The following TSC1 variants were observed in gnomAD, a reference collection of about 807,000 sequenced individuals.
The protein encoded by TSC1 is TSC complex subunit 1, also known as hamartin.
In TSC1, 20 loss-of-function variants were observed where a neutral mutation model predicts 124.3. That is an observed-to-expected ratio of 0.16 (90% CI 0.11 to 0.23). The LOEUF is 0.23. TSC1 is among the 10% of genes least tolerant of loss of function. The probability of loss-of-function intolerance (pLI) is 1.00; values close to 1 mark genes in which losing one functional copy is unlikely to be tolerated. For missense variants in TSC1, 1,124 were observed against 1,448.5 expected (o/e 0.78, Z 3.64); for synonymous variants, 493 against 539.1 (o/e 0.91, Z 1.19).
intron 2 of TSC1, 52 bp downstream of exon 2, chr9:132,934,981 C>CAAGATAATT (rs1847381672): frequency 2.5e-6 from 1 of 398,946 alleles, no homozygotes; most frequent in South Asian, 1.3e-4. Context: ...CGACCATGGG[C>CAAGATAATT]AAGATAATTC....
rs2131591349 is a variant in TSC1, at chr9:132,896,355, C to A, written c.3375G>T (p.Leu1125Phe). Residue 1125 changes from leucine (L) to phenylalanine (F), a missense_variant, in exon 23 of 23, where the codon TTG becomes TTT. Physicochemically the swap from Leu to Phe is conservative, Grantham distance 22 (BLOSUM62 0). Coordinates refer to ENST00000298552, the MANE Select transcript of TSC1 (RefSeq NM_000368.5). The surrounding 1 kb of genome is among the most constrained non-coding windows in gnomAD (Gnocchi z 4.5). ...ESLKTELGKD[L>F]GVEAKIPLNL... ...TCAGGGGAATCTTGGCTTCCACACC[C>A]AAGTCTTTGCCCAGTTCTGTCTTTA... The A allele has an allele frequency of 6.2e-7, 1 of 1,614,174 alleles. No individual in the cohort carries two copies.
Position 132,910,326 on chromosome 9 carries a change from A to T in TSC1, c.1263+245T>A, listed in dbSNP as rs1450567660. ...CAAAAAAAAAAAAAAAAAAAAAATC[A>T]AGAGAGTAGGTTTGACCTGCTGGGT... On this transcript the variant is annotated intron_variant, in intron 12 of 22. Coordinates refer to ENST00000298552, the MANE Select transcript of TSC1 (RefSeq NM_000368.5). 1.1e-5 allele frequency: 7 copies of T among 630,840 alleles called. No homozygotes were observed. In the African/African-American group the frequency reaches 1.1e-4, roughly 10 times the overall value. The allele number at this position is 630,840 out of a possible 1,614,324, so 39.1% of individuals were successfully genotyped here.
chr9:132,913,308 A>G (rs1846065663), intron 8 of TSC1, among the ~76,000 whole-genome samples: 1 of 152,184 alleles, frequency 6.6e-6, no homozygotes, highest in Admixed American at 6.5e-5. Flanking sequence ...CAATCTTGCT[A>G]AGTTTTGACA....
intron 8 of TSC1, among the ~76,000 whole-genome samples, chr9:132,913,818 T>C (rs1020080797): frequency 8.0e-5 from 7 of 87,370 alleles, no homozygotes; most frequent in African/African-American, 2.3e-4. Context: ...AGAGCGAGAC[T>C]CCGTCTCAAA....
chr9:132,938,847 CTG>C (rs1217499087), intron 1 of TSC1, among the ~76,000 whole-genome samples: 1 of 152,114 alleles, frequency 6.6e-6, no homozygotes, highest in Non-Finnish European at 1.5e-5. Context: ...AAAACAAGTG[CTG>C]TGATATGTGG....
intron 12 of TSC1, among the ~76,000 whole-genome samples, chr9:132,908,881 A>C (rs1845800286): frequency 1.4e-5 from 2 of 138,000 alleles, no homozygotes. Context: ...CTGTGTTAAA[A>C]CCCACTAGTC....
chr9:132,939,135 T>A (rs1847610501), intron 1 of TSC1: 1 of 152,198 alleles, frequency 6.6e-6, no homozygotes, highest in South Asian at 2.1e-4. Context: ...GTTACACTGT[T>A]AAGTTAATGT....
At chr9:132,900,911 AT>A in intron 19 of TSC1, 74 bp from the exon 20 acceptor site, 1 of 1,604,376 alleles carries the variant, frequency 6.2e-7, no homozygotes, top group African/African-American at 1.3e-5. Context: ...TAAACAGGGA[AT>A]CAGCTAGGAG....
chr9:132,908,429 G>A (rs1335815794), intron 12 of TSC1, among the ~76,000 whole-genome samples: 1 of 152,144 alleles, frequency 6.6e-6, no homozygotes, highest in Non-Finnish European at 1.5e-5. Context: ...CCACAGATAT[G>A]TAATTGCAAA....
chr9:132,919,020 T>TA lies in TSC1; in HGVS notation c.737+2342dup, dbSNP rs555805193. ...TGACATGTTCTGAGAAATGCATCAT[T>TA]AGGCAATTTCTTTGTTGTGTGAACA... On this transcript the variant is annotated intron_variant, in intron 8 of 22. Transcript: ENST00000298552. 3.9e-5 allele frequency among the ~76,000 whole-genome samples: 6 copies of TA among 152,338 alleles called. No homozygotes were observed. In the East Asian group the frequency reaches 9.6e-4, roughly 24 times the overall value.
chr9:132,911,577 G>A lies in TSC1; in HGVS notation c.914-9C>T, dbSNP rs1195512569. 7.7e-7 allele frequency: 1 copy of A among 1,298,616 alleles called. No homozygotes were observed. Among genetic ancestry groups the A allele is most frequent in the East Asian group, 3.7e-5 (1 of 26,758 alleles). The allele number at this position is 1,298,616 out of a possible 1,614,324, so 80.4% of individuals were successfully genotyped here. A position where few individuals can be genotyped will look rare whatever the true frequency, so the allele number is the denominator to read the frequency against. ...GGTAGAAGTAGCACACCCTAAAATG[G>A]AAGAGAAGAACACAGGGGGTTAGTG... On this transcript the variant is annotated splice_polypyrimidine_tract_variant and intron_variant, in intron 9 of 22. Coordinates refer to ENST00000298552, the MANE Select transcript of TSC1 (RefSeq NM_000368.5).
At chr9:132,904,623 C>T (rs1215769824) in intron 15 of TSC1, among the ~76,000 whole-genome samples, 169 bp from the exon 16 acceptor site, 1 of 108,382 alleles carries the variant, frequency 9.2e-6, no homozygotes, top group African/African-American at 3.9e-5. Context: ...GAAGCCTACA[C>T]TGGACACAAT....
intron 1 of TSC1, among the ~76,000 whole-genome samples, chr9:132,944,316 G>A (rs896563658): frequency 2.6e-5 from 4 of 152,072 alleles, no homozygotes; most frequent in African/African-American, 9.7e-5. Flanking sequence ...TGCTCCGTCC[G>A]GCTCGCCTCT....
chr9:132,907,115 A>G lies in TSC1; in HGVS notation c.1333+186T>C, dbSNP rs376837746. 3.3e-5 allele frequency among the ~76,000 whole-genome samples: 5 copies of G among 152,354 alleles called. No homozygotes were observed. In the East Asian group the frequency reaches 9.6e-4, roughly 29 times the overall value. ...CAGAATACAGGTACTTCACTGCAAT[A>G]GCTTAAAAACTGTTTTTGATATTAT... On this transcript the variant is annotated intron_variant, in intron 13 of 22. Transcript: ENST00000298552.
chr9:132,920,603 G>A (rs529316768), intron 8 of TSC1, among the ~76,000 whole-genome samples: 2 of 152,124 alleles, frequency 1.3e-5, no homozygotes, highest in Non-Finnish European at 2.9e-5. Flanking sequence ...GAGATTCGCT[G>A]TTGGGGGATC....
At chr9:132,938,673 C>T (rs964221149) in intron 1 of TSC1, among the ~76,000 whole-genome samples, 2 of 152,178 alleles carry the variant, frequency 1.3e-5, no homozygotes, top group Non-Finnish European at 2.9e-5. Context: ...TAGCAGGACC[C>T]GTACGCCATT....
At chr9:132,939,992 T>C (rs1013105803) in intron 1 of TSC1, among the ~76,000 whole-genome samples, 2 of 152,124 alleles carry the variant, frequency 1.3e-5, no homozygotes. Context: ...GTAAAAAACA[T>C]TCATTCATTA....
At chr9:132,910,774 T>C in intron 11 of TSC1, 82 bp from the exon 12 acceptor site, 2 of 1,587,898 alleles carry the variant, frequency 1.3e-6, no homozygotes, top group Non-Finnish European at 1.7e-6. Context: ...CCTATAACTA[T>C]TACTATAAAT....
rs532670371 is a variant in TSC1 at position 132,893,987 on chromosome 9, A to G, written c.*2248T>C. The G allele has an allele frequency of 9.4e-5, 22 of 233,426 alleles. No individual in the cohort carries two copies. Among genetic ancestry groups the G allele is most frequent in the African/African-American group, 2.2e-4 (10 of 45,430 alleles). The allele number at this position is 233,426 out of a possible 1,614,324, so 14.5% of individuals were successfully genotyped here. A position where few individuals can be genotyped will look rare whatever the true frequency, so the allele number is the denominator to read the frequency against. ...TACATTTTTAGGTTGGGCACCTTCAACATGACTCCAGGTCTCATTCTCCCA... is the reference window on the plus strand; with the variant it reads ...TACATTTTTAGGTTGGGCACCTTCAGCATGACTCCAGGTCTCATTCTCCCA... On this transcript the variant is annotated 3_prime_UTR_variant, in exon 23 of 23. Coordinates refer to ENST00000298552, the MANE Select transcript of TSC1 (RefSeq NM_000368.5).
Sources: gnomAD v4.1 joint callset for allele counts (sites outside exome capture counted in the v4.1 genomes callset) on GRCh38, gnomAD v4.1.1 for gene constraint, Gnocchi (gnomAD v3.1) non-coding constraint, MANE v1.5 for transcripts, NCBI Gene and HGNC (gene_info 2026-07-23, HGNC 2026-07-21) for gene names.